Variants in UGT1A4 observed in about 807,000 individuals in gnomAD.
The protein encoded by UGT1A4 is UDP-glucuronosyltransferase 1A4.
A neutral mutation model predicts 41.1 loss-of-function variants in UGT1A4; 32 were observed. The ratio of observed to expected loss-of-function variants is 0.78; its 90% CI spans 0.59 to 1.05. UGT1A4 has a LOEUF of 1.05. UGT1A4 is among the 50% of genes least tolerant of loss of function. UGT1A4 has a pLI of 0.00. For missense variants in UGT1A4, 748 were observed against 677.4 expected (o/e 1.10, Z -1.16); for synonymous variants, 283 against 265.1 (o/e 1.07, Z -0.66).
chr2:233,741,836 G>A (rs547216882), intron 1 of UGT1A4: 1 of 151,972 alleles, frequency 6.6e-6, no homozygotes, highest in South Asian at 2.1e-4. Context: ...CAGTTCAGTT[G>A]CCTTTTGCTC....
chr2:233,748,199 G>A (rs1164871167), intron 1 of UGT1A4: 58 of 1,533,096 alleles, frequency 3.8e-5, no homozygotes, highest in Non-Finnish European at 4.6e-5. Context: ...TCTGCTTGTC[G>A]TAATAGCCTT....
chr2:233,747,486 C>T, intron 1 of UGT1A4: 1 of 1,608,834 alleles, frequency 6.2e-7, no homozygotes, highest in Non-Finnish European at 8.5e-7. Flanking sequence ...ATTTGATCGC[C>T]TTGTGCTGGG....
intron 1 of UGT1A4, chr2:233,729,156 GT>G (rs1390322466): frequency 4.5e-5 from 73 of 1,613,462 alleles, no homozygotes; most frequent in Middle Eastern, 1.7e-4. Flanking sequence ...TTCCCCTGCC[GT>G]GGCTGGCCAC....
chr2:233,756,842 A>T (rs544297535), intron 1 of UGT1A4, among the ~76,000 whole-genome samples: 73 of 152,236 alleles, frequency 4.8e-4, no homozygotes, highest in African/African-American at 1.7e-3. Context: ...TTAACCAAAG[A>T]ACATTCTAAC....
At position 233,725,197 on chromosome 2, in the gene UGT1A4, CAGAGGCAGAGGCAGAGGCAGA is replaced by C. The variant is rs1559370274; in HGVS notation, c.867+5511_867+5531del. ...CCGTGGGGAGAGGCAGAGGCAGAGG[CAGAGGCAGAGGCAGAGGCAGA>C]GGAGGCAGAGGCAGAGGAGGCAGAG... is the stretch of plus-strand genomic sequence containing the variant. On this transcript the variant is annotated intron_variant, in intron 1 of 4. Transcript: ENST00000373409. Among the ~76,000 whole-genome samples the C allele has an allele frequency of 9.0e-4, 74 of 81,846 alleles. 30 individuals carry two copies. Among genetic ancestry groups the C allele is most frequent in the African/African-American group, 7.3e-3 (68 of 9,378 alleles). 53.7% of individuals were successfully genotyped at this position (81,846 alleles called of 152,430 possible).
intron 1 of UGT1A4, chr2:233,740,861 T>A (rs1691490325): frequency 6.6e-6 from 1 of 151,862 alleles, no homozygotes; most frequent in Admixed American, 6.5e-5. Flanking sequence ...TTCTAAAAAT[T>A]CTTTAAATAA....
Position 233,767,697 on chromosome 2 carries a change from C to A in UGT1A4, c.1000-152C>A, listed in dbSNP as rs558537555. Reference sequence around the variant, plus strand: ...CTCCAAAACAAGATGCCGGAAGTTGCCAGTCCTCAGAAGCCTTCACAGTTA... The same window carrying A: ...CTCCAAAACAAGATGCCGGAAGTTGACAGTCCTCAGAAGCCTTCACAGTTA... On this transcript the variant is annotated intron_variant, in intron 2 of 4. Coordinates refer to ENST00000373409, the MANE Select transcript of UGT1A4 (RefSeq NM_007120.3). 77 of 1,498,202 alleles carry A rather than the reference C, an allele frequency of 5.1e-5. 3 individuals carry two copies. The South Asian group carries it at 9.5e-4, about 18-fold the overall frequency. 92.8% of individuals were successfully genotyped at this position (1,498,202 alleles called of 1,614,324 possible). A position where few individuals can be genotyped will look rare whatever the true frequency, so the allele number is the denominator to read the frequency against.
intron 1 of UGT1A4, among the ~76,000 whole-genome samples, chr2:233,764,630 G>T (rs2126011376): frequency 6.6e-6 from 1 of 152,148 alleles, no homozygotes; most frequent in Middle Eastern, 3.4e-3. Context: ...GAAGAGCAAA[G>T]GTCCTAGGAA....
At chr2:233,753,723 TATGCCCC>T (rs1654919100) in intron 1 of UGT1A4, 1 of 152,226 alleles carries the variant, frequency 6.6e-6, no homozygotes, top group Non-Finnish European at 1.5e-5. Flanking sequence ...CCTAATTTGA[TATGCCCC>T]AAGCACAGCA....
chr2:233,750,292 G>T (rs1321063731), intron 1 of UGT1A4, among the ~76,000 whole-genome samples: 1 of 151,952 alleles, frequency 6.6e-6, no homozygotes, highest in Non-Finnish European at 1.5e-5. Context: ...GTGGCATTTT[G>T]CCCCTGCCCT....
chr2:233,744,011 C>G, intron 1 of UGT1A4: 1 of 1,116,884 alleles, frequency 9.0e-7, no homozygotes, highest in South Asian at 1.5e-5. Flanking sequence ...AGACCTGGGC[C>G]GCCTGGAGAG....
At chr2:233,738,080 T>G (rs527833825) in intron 1 of UGT1A4, among the ~76,000 whole-genome samples, 181 of 152,280 alleles carry the variant, frequency 1.2e-3, no homozygotes, top group African/African-American at 4.2e-3. Context: ...CCTCCTAATC[T>G]CATCATAGTG....
chr2:233,739,091 C>T (rs1027086038), intron 1 of UGT1A4: 13 of 152,212 alleles, frequency 8.5e-5, no homozygotes, highest in Admixed American at 1.3e-4. Flanking sequence ...TTGGCAGCAT[C>T]GATGTGGTGT....
At chr2:233,733,420 A>C (rs1380282532) in intron 1 of UGT1A4, among the ~76,000 whole-genome samples, 1 of 152,116 alleles carries the variant, frequency 6.6e-6, no homozygotes, top group African/African-American at 2.4e-5. Context: ...GTTTTCGCCT[A>C]CTCAGTATGA....
chr2:233,736,308 T>C (rs1250743024), intron 1 of UGT1A4, among the ~76,000 whole-genome samples: 1 of 152,222 alleles, frequency 6.6e-6, no homozygotes, highest in African/African-American at 2.4e-5. Flanking sequence ...TAATCAGCTA[T>C]TGAATTTTGT....
intron 1 of UGT1A4, chr2:233,754,789 A>G (rs1444380130): frequency 8.4e-7 from 1 of 1,196,426 alleles, no homozygotes; most frequent in African/African-American, 1.6e-5. Context: ...AAGGAACGAA[A>G]TCCTGTATCA....
At position 233,718,748 on chromosome 2, in the gene UGT1A4, A is replaced by G; in HGVS notation, c.-73A>G. 1 of 1,612,266 alleles carries G rather than the reference A, an allele frequency of 6.2e-7. No individual in the cohort carries two copies. Among genetic ancestry groups the G allele is most frequent in the South Asian group, 1.1e-5 (1 of 90,894 alleles). On this transcript the variant is annotated 5_prime_UTR_variant, in exon 1 of 5. The change abolishes the stop of an existing upstream ORF in the 5' untranslated region. Coordinates refer to ENST00000373409, the MANE Select transcript of UGT1A4 (RefSeq NM_007120.3). ...TGCTAGGTGGCTCAATGACAAGGTA[A>G]TTAAGGCGAAGGAAACAAATGTAGC...
chr2:233,721,950 T>C (rs1362850553), intron 1 of UGT1A4: 2 of 360,066 alleles, frequency 5.6e-6, no homozygotes, highest in Admixed American at 6.4e-5. Context: ...TTGGTGGCTC[T>C]TTGTATATGC....
intron 1 of UGT1A4, among the ~76,000 whole-genome samples, chr2:233,742,411 A>G (rs566737557): frequency 5.3e-5 from 8 of 152,078 alleles, no homozygotes; most frequent in Non-Finnish European, 8.8e-5. Flanking sequence ...TAGTTTAGGA[A>G]CACCTTAAGC....
Sources: gnomAD v4.1 joint callset for allele counts (sites outside exome capture counted in the v4.1 genomes callset) on GRCh38, gnomAD v4.1.1 for gene constraint, MANE v1.5 for transcripts, NCBI Gene and HGNC (gene_info 2026-07-23, HGNC 2026-07-21) for gene names.